Variants in CEP63 observed in about 807,000 individuals in gnomAD.
CEP63 encodes the protein centrosomal protein 63.
In CEP63, 84 loss-of-function variants were observed where a neutral mutation model predicts 89.1. The ratio of observed to expected loss-of-function variants is 0.94; its 90% confidence interval spans 0.79 to 1.13. The LOEUF (loss-of-function observed/expected upper bound fraction) is 1.13. CEP63 is among the 50% of genes most tolerant of loss of function. The pLI, the probability that CEP63 is intolerant of heterozygous loss-of-function variation, is 0.00. For missense variants in CEP63, 838 were observed against 813.3 expected (o/e 1.03, Z -0.37); for synonymous variants, 267 against 272.5 (o/e 0.98, Z 0.20).
intron 10 of CEP63, among the ~76,000 whole-genome samples, chr3:134,582,544 G>A (rs1199602958): frequency 6.6e-6 from 1 of 152,188 alleles, no homozygotes; most frequent in Admixed American, 6.5e-5. Flanking sequence ...ATTCCATGGT[G>A]TACATGTCCC....
chr3:134,565,770 A>G (rs1319488924), downstream of CEP63, among the ~76,000 whole-genome samples: 2 of 151,814 alleles, frequency 1.3e-5, no homozygotes, highest in South Asian at 2.1e-4. Context: ...TATGGTGCCC[A>G]TAAGATAAAA....
chr3:134,699,086 AG>A, the CEP63 span, among the ~76,000 whole-genome samples: 1 of 152,096 alleles, frequency 6.6e-6, no homozygotes, highest in Non-Finnish European at 1.5e-5. Flanking sequence ...CAGGTAGATG[AG>A]GTATTTTATC....
chr3:134,664,540 C>T, the CEP63 span, among the ~76,000 whole-genome samples: 1 of 152,184 alleles, frequency 6.6e-6, no homozygotes, highest in Non-Finnish European at 1.5e-5. Context: ...ATCTCAGATA[C>T]ATCAGGGTGG....
intron 2 of CEP63, among the ~76,000 whole-genome samples, chr3:134,497,562 A>T (rs1940565719): frequency 6.6e-6 from 1 of 151,508 alleles, no homozygotes; most frequent in Admixed American, 6.6e-5. Flanking sequence ...AAGAGATGAG[A>T]TCTCATTGTG....
At position 134,532,540 on chromosome 3, in the gene CEP63, T is replaced by G. The variant is rs7610168; in HGVS notation, c.319-238T>G. 0.024 allele frequency among the ~76,000 whole-genome samples: 3,612 copies of G among 152,318 alleles called. 106 individuals carry two copies. Among genetic ancestry groups the G allele is most frequent in the South Asian group, 0.074 (358 of 4,828 alleles). ...GTAGGGTCTTTAAGTGCAGGGCTAT[T>G]GTAATACAAAACTTTTGTTTAAAAT... On this transcript the variant is annotated intron_variant, in intron 4 of 14. Coordinates refer to ENST00000675561, the MANE Select transcript of CEP63 (RefSeq NM_001353108.3).
intron 9 of CEP63, 63 bp downstream of exon 9, chr3:134,547,535 A>G (rs1953702045): frequency 1.4e-6 from 2 of 1,389,034 alleles, no homozygotes; most frequent in Admixed American, 3.5e-5. Flanking sequence ...TGATCATCAT[A>G]TTGTAAATGA....
the CEP63 span, among the ~76,000 whole-genome samples, chr3:134,761,798 C>T: frequency 1.3e-5 from 2 of 152,184 alleles, no homozygotes; most frequent in Non-Finnish European, 2.9e-5. Flanking sequence ...CACTTCTTCT[C>T]CTCCTCTGTC....
the CEP63 span, among the ~76,000 whole-genome samples, chr3:134,652,736 AG>A: frequency 6.6e-6 from 1 of 152,128 alleles, no homozygotes; most frequent in African/African-American, 2.4e-5. Context: ...CATTATGCAA[AG>A]CTCTTGGGGT....
At chr3:134,760,058 C>CTTTT in the CEP63 span, among the ~76,000 whole-genome samples, 15,455 of 130,912 alleles carry the variant, frequency 0.12, 1,084 homozygotes, top group Non-Finnish European at 0.14. Flanking sequence ...AGAGCACTTT[C>CTTTT]TTTTTTTTTT....
chr3:134,679,909 C>T, the CEP63 span, among the ~76,000 whole-genome samples: 1 of 152,220 alleles, frequency 6.6e-6, no homozygotes, highest in East Asian at 1.9e-4. Context: ...TTTTTGTAGA[C>T]ACGAGGTGTT....
the CEP63 span, among the ~76,000 whole-genome samples, chr3:134,765,385 A>G: frequency 0.6 from 91,671 of 152,120 alleles, 30,872 homozygotes; most frequent in East Asian, 0.87. Context: ...CAGAGCAGCT[A>G]TGAGGATACA....
At chr3:134,492,244 T>C (rs1937892602) in intron 1 of CEP63, among the ~76,000 whole-genome samples, 1 of 152,028 alleles carries the variant, frequency 6.6e-6, no homozygotes, top group South Asian at 2.1e-4. Context: ...CGGCTAATTT[T>C]TGTATTTTTA....
the CEP63 span, among the ~76,000 whole-genome samples, chr3:134,719,621 T>C: frequency 6.6e-6 from 1 of 152,172 alleles, no homozygotes; most frequent in African/African-American, 2.4e-5. Flanking sequence ...TAGCAGTCAA[T>C]TTGCATTTCT....
downstream of CEP63, among the ~76,000 whole-genome samples, chr3:134,569,132 C>T (rs1560071353): frequency 6.6e-6 from 1 of 152,324 alleles, no homozygotes; most frequent in South Asian, 2.1e-4. Flanking sequence ...TCCCACAACA[C>T]GTGGGAATTC....
chr3:134,693,358 C>T, the CEP63 span, among the ~76,000 whole-genome samples: 2 of 152,138 alleles, frequency 1.3e-5, no homozygotes, highest in Non-Finnish European at 2.9e-5. Context: ...GACAGCAAAG[C>T]TGAGGGCCAG....
intron 1 of CEP63, among the ~76,000 whole-genome samples, chr3:134,492,923 C>T (rs1559854449): frequency 6.6e-6 from 1 of 152,096 alleles, no homozygotes; most frequent in Non-Finnish European, 1.5e-5. Flanking sequence ...GTAATAGTAT[C>T]TGTCTTTTAT....
At chr3:134,508,225 G>T (rs1168893352) in intron 3 of CEP63, among the ~76,000 whole-genome samples, 3 of 152,162 alleles carry the variant, frequency 2.0e-5, no homozygotes, top group Non-Finnish European at 4.4e-5. Context: ...TTTCTCCTTG[G>T]TTGGCCATTT....
chr3:134,693,942 G>C, the CEP63 span, among the ~76,000 whole-genome samples: 4 of 152,198 alleles, frequency 2.6e-5, no homozygotes, highest in African/African-American at 9.7e-5. Context: ...TCACGTTCTG[G>C]GCTCAGGGAT....
intron 13 of CEP63, among the ~76,000 whole-genome samples, 177 bp downstream of exon 13, chr3:134,558,524 G>T (rs887000614): frequency 6.6e-6 from 1 of 152,094 alleles, no homozygotes; most frequent in Non-Finnish European, 1.5e-5. Flanking sequence ...GCTGGGGGAG[G>T]TGTATAGCAT....
Sources: gnomAD v4.1 joint callset for allele counts (sites outside exome capture counted in the v4.1 genomes callset) on GRCh38, gnomAD v4.1.1 for gene constraint, MANE v1.5 for transcripts, NCBI Gene and HGNC (gene_info 2026-07-23, HGNC 2026-07-21) for gene names.